Variants in GUCY1A2 observed in about 807,000 individuals in gnomAD.
The protein encoded by GUCY1A2 is guanylate cyclase 1 soluble subunit alpha 2.
Under a neutral mutation model 63.5 loss-of-function variants are expected in GUCY1A2, and 27 were observed. That is an observed-to-expected ratio of 0.43 (90% CI 0.31 to 0.59). GUCY1A2 has a LOEUF of 0.59. Among genes scored for constraint, GUCY1A2 ranks in the 20% least tolerant of loss-of-function variants. The probability of loss-of-function intolerance (pLI) is 0.11; values close to 1 mark genes in which losing one functional copy is unlikely to be tolerated. For missense variants in GUCY1A2, 768 were observed against 913.3 expected, an observed-to-expected ratio of 0.84 and a Z score of 2.05; for synonymous variants, 364 against 343.5, an observed-to-expected ratio of 1.06 and a Z score of -0.66.
Position 106,743,643 on chromosome 11 carries a change from C to A in GUCY1A2, c.1836+32796G>T, listed in dbSNP as rs58170983. Among the ~76,000 whole-genome samples the A allele has an allele frequency of 7.1e-3, 1,078 of 152,224 alleles. 7 individuals carry two copies. The highest frequency in any genetic ancestry group is 0.024 in the African/African-American group (1,017 of 41,530). ...TTACCTTTCATATGCTATCCATATA[C>A]TAATTTTGTATTTATTTTTCTGTAT... On this transcript the variant is annotated intron_variant, in intron 6 of 7. Transcript: ENST00000526355.
At chr11:106,890,694 C>T (rs1373807818) in intron 4 of GUCY1A2, among the ~76,000 whole-genome samples, 1 of 152,090 alleles carries the variant, frequency 6.6e-6, no homozygotes, top group Admixed American at 6.6e-5. Context: ...ACAACCACCT[C>T]GGATATAACT....
intron 4 of GUCY1A2, among the ~76,000 whole-genome samples, chr11:106,825,269 T>G (rs1858953289): frequency 6.6e-6 from 1 of 152,150 alleles, no homozygotes; most frequent in Non-Finnish European, 1.5e-5. Context: ...GCTATATTTT[T>G]TCTTTTGACA....
At chr11:107,008,041 G>T (rs950000888) in intron 1 of GUCY1A2, among the ~76,000 whole-genome samples, 2 of 149,674 alleles carry the variant, frequency 1.3e-5, no homozygotes, top group African/African-American at 4.8e-5. Flanking sequence ...CCAGTACTTT[G>T]GGAGGCCAAG....
At chr11:106,982,659 C>A (rs184171128) in intron 2 of GUCY1A2, among the ~76,000 whole-genome samples, 1 of 152,146 alleles carries the variant, frequency 6.6e-6, no homozygotes, top group Admixed American at 6.5e-5. Context: ...GAACAGAGAC[C>A]TATATGTATA....
chr11:106,927,407 G>C (rs371340758), intron 4 of GUCY1A2, among the ~76,000 whole-genome samples: 2 of 151,758 alleles, frequency 1.3e-5, no homozygotes, highest in South Asian at 4.2e-4. Flanking sequence ...AAACAAGCAA[G>C]AGAACTATAA....
chr11:106,817,746 T>A (rs76599401), intron 4 of GUCY1A2, among the ~76,000 whole-genome samples: 7,587 of 151,898 alleles, frequency 0.05, 348 homozygotes, highest in African/African-American at 0.12. Flanking sequence ...ATGAAAAAAA[T>A]GTCCAACATC....
intron 3 of GUCY1A2, among the ~76,000 whole-genome samples, chr11:106,969,496 C>G (rs559634145): frequency 6.6e-6 from 1 of 151,872 alleles, no homozygotes; most frequent in East Asian, 1.9e-4. Context: ...AGTCTTCTAA[C>G]ACAAAAGAAA....
At chr11:107,000,214 C>T (rs1861595045) in intron 1 of GUCY1A2, among the ~76,000 whole-genome samples, 1 of 152,154 alleles carries the variant, frequency 6.6e-6, no homozygotes, top group African/African-American at 2.4e-5. Context: ...TAAGTTAACA[C>T]AGAAAAAGAG....
At chr11:106,872,823 T>G (rs1251012788) in intron 4 of GUCY1A2, among the ~76,000 whole-genome samples, 2 of 152,180 alleles carry the variant, frequency 1.3e-5, no homozygotes, top group Admixed American at 6.5e-5. Context: ...TAAATTCAGC[T>G]ACACATGTGC....
intron 4 of GUCY1A2, among the ~76,000 whole-genome samples, chr11:106,850,509 C>G (rs1165091651): frequency 6.6e-6 from 1 of 151,686 alleles, no homozygotes; most frequent in African/African-American, 2.4e-5. Flanking sequence ...TTCTCTATCC[C>G]CTACTCTTCC....
At chr11:106,858,771 T>C in intron 4 of GUCY1A2, among the ~76,000 whole-genome samples, 2 of 152,228 alleles carry the variant, frequency 1.3e-5, no homozygotes, top group Non-Finnish European at 2.9e-5. Flanking sequence ...AAAATCACTA[T>C]GTTGCCAGTC....
At chr11:106,882,140 T>C (rs1417425954) in intron 4 of GUCY1A2, among the ~76,000 whole-genome samples, 1 of 151,932 alleles carries the variant, frequency 6.6e-6, no homozygotes, top group African/African-American at 2.4e-5. Flanking sequence ...TGAAGAAAAA[T>C]AAATATTGAC....
intron 6 of GUCY1A2, among the ~76,000 whole-genome samples, chr11:106,729,797 C>T (rs1438863184): frequency 7.3e-5 from 11 of 151,700 alleles, no homozygotes; most frequent in African/African-American, 2.4e-4. Flanking sequence ...GAATAATTTC[C>T]CCTCTACATG....
chr11:106,900,340 C>A (rs1156559404), intron 4 of GUCY1A2, among the ~76,000 whole-genome samples: 1 of 152,092 alleles, frequency 6.6e-6, no homozygotes, highest in East Asian at 1.9e-4. Context: ...CAAGCCCCCA[C>A]ACCCAGCTAA....
intron 7 of GUCY1A2, among the ~76,000 whole-genome samples, chr11:106,697,682 A>C (rs997003578): frequency 3.9e-5 from 6 of 152,184 alleles, no homozygotes; most frequent in Non-Finnish European, 7.4e-5. Flanking sequence ...ATTACATGCT[A>C]AACCTAAAAG....
chr11:106,847,322 T>C (rs1004087774), intron 4 of GUCY1A2, among the ~76,000 whole-genome samples: 3 of 150,732 alleles, frequency 2.0e-5, no homozygotes, highest in African/African-American at 7.3e-5. Context: ...ATATTTATGA[T>C]TCTACATGTG....
At chr11:106,950,577 C>G (rs1316644998) in intron 3 of GUCY1A2, among the ~76,000 whole-genome samples, 1 of 152,092 alleles carries the variant, frequency 6.6e-6, no homozygotes, top group African/African-American at 2.4e-5. Flanking sequence ...GTCTCTTACC[C>G]GCTGGTGAAG....
intron 6 of GUCY1A2, among the ~76,000 whole-genome samples, chr11:106,739,997 C>CTTT (rs35005245): frequency 1.1e-4 from 14 of 129,868 alleles, no homozygotes; most frequent in Middle Eastern, 3.9e-3. Flanking sequence ...TTGAGAGGCA[C>CTTT]TTTTTTTTTT....
intron 4 of GUCY1A2, among the ~76,000 whole-genome samples, chr11:106,823,124 A>G (rs1858924642): frequency 6.6e-6 from 1 of 152,154 alleles, no homozygotes; most frequent in Admixed American, 6.6e-5. Context: ...CAGGGGGAAC[A>G]TGTACATGTT....
Sources: gnomAD v4.1 joint callset for allele counts (sites outside exome capture counted in the v4.1 genomes callset) on GRCh38, gnomAD v4.1.1 for gene constraint, MANE v1.5 for transcripts, NCBI Gene and HGNC (gene_info 2026-07-23, HGNC 2026-07-21) for gene names.